WDFY3: variants seen among roughly 807,000 people sequenced by gnomAD.
WDFY3 encodes WD repeat and FYVE domain containing 3.
A neutral mutation model predicts 409.6 loss-of-function variants in WDFY3; 66 were observed. The ratio of observed to expected loss-of-function variants is 0.16; its 90% CI spans 0.13 to 0.20. WDFY3 has a LOEUF of 0.20. WDFY3 is among the 10% of genes least tolerant of loss of function. The pLI, the probability that WDFY3 is intolerant of heterozygous loss-of-function variation, is 1.00. For missense variants in WDFY3, 3,031 were observed against 4,298.1 expected (o/e 0.71, Z 8.24); for synonymous variants, 1,521 against 1,537.1 (o/e 0.99, Z 0.25).
chr4:84,961,401 A>C (rs777255645), intron 1 of WDFY3, among the ~76,000 whole-genome samples: 17 of 152,090 alleles, frequency 1.1e-4, no homozygotes, highest in Non-Finnish European at 1.3e-4. Context: ...AAGTCCAAGT[A>C]AAATTGAAAA....
Position 84,810,014 on chromosome 4 carries a change from T to C in WDFY3, c.2218A>G (p.Asn740Asp). The change falls in exon 14 of 68, where the codon AAT (asparagine) becomes GAT (aspartate). Residue 740 changes from asparagine to aspartate, a missense_variant. Physicochemically the swap from Asn to Asp is conservative, Grantham distance 23. Around this residue, in one of 16 missense-constraint regions of WDFY3, gnomAD observed 1,322 missense variants for 1,697.9 expected, o/e 0.78. Coordinates refer to ENST00000295888, the MANE Select transcript of WDFY3 (RefSeq NM_014991.6). ...KISAMNVFPS[N>D]TQPFQRLLEE... The stretch of plus-strand genomic sequence containing the variant: ...AAAAGTCTTTGAAATGGCTGTGTAT[T>C]TGAGGGGAAGACATTCATGGCGCTT... 1 of 1,614,160 alleles carries C rather than the reference T, an allele frequency of 6.2e-7. No homozygotes were observed. The highest frequency in any genetic ancestry group is 1.3e-5 in the African/African-American group (1 of 75,056).
At chr4:84,772,642 T>C (rs1045569910) in intron 30 of WDFY3, among the ~76,000 whole-genome samples, 193 bp downstream of exon 30, 6 of 152,274 alleles carry the variant, frequency 3.9e-5, no homozygotes, top group Admixed American at 2.0e-4. Flanking sequence ...CCCTATTAAA[T>C]TTTGTAGGCA....
intron 5 of WDFY3, chr4:84,844,578 G>C (rs1187469589): frequency 8.2e-7 from 1 of 1,225,128 alleles, no homozygotes; most frequent in Non-Finnish European, 1.1e-6. Context: ...CACCACAAGA[G>C]TACTGGGGTC....
chr4:84,791,000 A>T (rs1748423809), intron 21 of WDFY3, among the ~76,000 whole-genome samples: 1 of 152,168 alleles, frequency 6.6e-6, no homozygotes, highest in South Asian at 2.1e-4. Flanking sequence ...ACCCTTGCGC[A>T]CTGTTGGTGG....
chr4:84,821,013 G>T, intron 11 of WDFY3, 71 bp downstream of exon 11: 1 of 1,365,670 alleles, frequency 7.3e-7, no homozygotes, highest in Non-Finnish European at 9.9e-7. Context: ...CAAAGAATGG[G>T]AACAAGAACA....
At chr4:84,927,611 T>C (rs1009919470) in intron 2 of WDFY3, among the ~76,000 whole-genome samples, 6 of 152,054 alleles carry the variant, frequency 3.9e-5, no homozygotes, top group South Asian at 2.1e-4. Flanking sequence ...GTGGAGGTAA[T>C]TGGATCATGG....
At chr4:84,824,307 T>C (rs898494412) in intron 10 of WDFY3, among the ~76,000 whole-genome samples, 1 of 152,196 alleles carries the variant, frequency 6.6e-6, no homozygotes, top group African/African-American at 2.4e-5. Flanking sequence ...CTATAATTGT[T>C]ATATTTTACT....
rs190421913 is a variant in WDFY3 at position 84,809,038 on chromosome 4, G to A, written c.2346-621C>T. 3.9e-5 allele frequency: 6 copies of A among 152,146 alleles called. No homozygotes were observed. The East Asian group carries it at 1.2e-3, about 29-fold the overall frequency. The allele number at this position is 152,146 out of a possible 1,614,324, so 9.4% of individuals were successfully genotyped here. Reference sequence around the variant, plus strand: ...TGTAGTTACATGGTCTATTGATGAGGGCAGTTCATTTATTTTATGTAGTAA... The same window carrying A: ...TGTAGTTACATGGTCTATTGATGAGAGCAGTTCATTTATTTTATGTAGTAA... On this transcript the variant is annotated intron_variant, in intron 14 of 67. Transcript: ENST00000295888.
intron 4 of WDFY3, among the ~76,000 whole-genome samples, chr4:84,851,765 C>T (rs1366373318): frequency 2.0e-5 from 3 of 151,942 alleles, no homozygotes; most frequent in Non-Finnish European, 2.9e-5. Context: ...TATACTAGTC[C>T]CCCCTTATCT....
intron 1 of WDFY3, among the ~76,000 whole-genome samples, chr4:84,960,982 C>T (rs1046492900): frequency 2.6e-5 from 4 of 151,914 alleles, no homozygotes; most frequent in East Asian, 1.9e-4. Context: ...TTTGGGAGGC[C>T]GAGGCGGGCG....
chr4:84,888,562 AG>A (rs1477262028), intron 3 of WDFY3, among the ~76,000 whole-genome samples: 1 of 152,224 alleles, frequency 6.6e-6, no homozygotes, highest in Non-Finnish European at 1.5e-5. Context: ...GATTTAAAAA[AG>A]ATACTCAGGT....
intron 3 of WDFY3, among the ~76,000 whole-genome samples, chr4:84,868,253 A>C (rs1275922985): frequency 6.7e-6 from 1 of 148,584 alleles, no homozygotes; most frequent in Non-Finnish European, 1.5e-5. Context: ...TCTTCTTCTT[A>C]ATCTTTCTGG....
Position 84,868,171 on chromosome 4 carries a change from CAAAAAAAAAAAAAAAAAAAA to C in WDFY3, c.-31-7569_-31-7550del, listed in dbSNP as rs70943375. Among the ~76,000 whole-genome samples the C allele has an allele frequency of 7.5e-4, 29 of 38,468 alleles. No homozygotes were observed. In the South Asian group the frequency reaches 0.013, roughly 17 times the overall value. The allele number at this position is 38,468 out of a possible 152,430, so 25.2% of individuals were successfully genotyped here. The stretch of plus-strand genomic sequence containing the variant: ...TGGGTGACAGAGCGAGACTCTGTCT[CAAAAAAAAAAAAAAAAAAAA>C]AAAAAAAAAAAAAAAGATTTATAAG... On this transcript the variant is annotated intron_variant, in intron 3 of 67. Coordinates refer to ENST00000295888, the MANE Select transcript of WDFY3 (RefSeq NM_014991.6).
intron 1 of WDFY3, among the ~76,000 whole-genome samples, chr4:84,945,002 A>C (rs939914337): frequency 2.6e-5 from 4 of 152,164 alleles, no homozygotes. Flanking sequence ...AGATTCTCAG[A>C]ATAGCTACTT....
intron 17 of WDFY3, among the ~76,000 whole-genome samples, chr4:84,800,884 G>A (rs1360652583): frequency 6.6e-6 from 1 of 152,112 alleles, no homozygotes; most frequent in Non-Finnish European, 1.5e-5. Context: ...AGGCGGAAAT[G>A]CTGGCTCACC....
In WDFY3 at chr4:84,678,168, T is replaced by C. The variant is rs1430938889; in HGVS notation, c.10259A>G (p.Lys3420Arg). 3 of 1,613,010 alleles carry C rather than the reference T, an allele frequency of 1.9e-6. No homozygotes were observed. The highest frequency in any genetic ancestry group is 4.5e-5 in the East Asian group (2 of 44,874). ...PAEVTALGISKDHSRILVGDS... is the reference protein window; with the variant it reads ...PAEVTALGISRDHSRILVGDS... Reference sequence around the variant, plus strand: ...GAGCTGGAAAAAGCCTGACACTTACTTGGAGATGCCCAAGGCAGTGACCTC... The same window carrying C: ...GAGCTGGAAAAAGCCTGACACTTACCTGGAGATGCCCAAGGCAGTGACCTC... Residue 3420 changes from lysine to arginine, a missense_variant and splice_region_variant, in exon 66 of 68, where the codon AAG (lysine) becomes AGG (arginine). Transcript: ENST00000295888.
intron 36 of WDFY3, chr4:84,751,258 G>A (rs1740466819): frequency 1.8e-6 from 1 of 570,358 alleles, no homozygotes; most frequent in Non-Finnish European, 3.1e-6. Flanking sequence ...TTAGAGAAAG[G>A]ATGATAAAGG....
chr4:84,810,990 C>A (rs1752397675), intron 13 of WDFY3, among the ~76,000 whole-genome samples: 1 of 152,028 alleles, frequency 6.6e-6, no homozygotes. Context: ...TTTAACTTAG[C>A]TTATGATTTT....
intron 59 of WDFY3, 87 bp from the exon 60 acceptor site, chr4:84,691,872 T>C (rs1729322234): frequency 1.2e-5 from 15 of 1,301,256 alleles, no homozygotes; most frequent in Admixed American, 5.0e-5. Context: ...CAAATATTCA[T>C]ATAAATCAAG....
Sources: allele counts gnomAD v4.1 joint callset (sites outside exome capture counted in the v4.1 genomes callset), GRCh38; gene constraint gnomAD v4.1.1; regional missense constraint gnomAD v4.1.1; transcripts MANE v1.5; gene names NCBI Gene and HGNC (gene_info 2026-07-23, HGNC 2026-07-21).